SORCS2: variants seen among roughly 807,000 people sequenced by gnomAD.
SORCS2 encodes sortilin related VPS10 domain containing receptor 2, also known as VPS10 domain-containing receptor SorCS2.
SORCS2 carries 100 observed loss-of-function variants against 141.6 expected under a neutral mutation model. The observed-to-expected ratio is 0.71, with a 90% CI of 0.60 to 0.83. SORCS2 has a LOEUF of 0.83. SORCS2 is among the 40% of genes least tolerant of loss of function. The probability of loss-of-function intolerance (pLI) is 0.00; values close to 1 mark genes in which losing one functional copy is unlikely to be tolerated. For missense variants in SORCS2, 1,646 were observed against 1,560.2 expected (o/e 1.05, Z -0.93); for synonymous variants, 789 against 676.9 (o/e 1.17, Z -2.57).
intron 1 of SORCS2, among the ~76,000 whole-genome samples, chr4:7,214,697 C>A (rs1204234190): frequency 1.3e-5 from 2 of 152,184 alleles, no homozygotes; most frequent in Non-Finnish European, 2.9e-5. Flanking sequence ...GAGGCTCACC[C>A]CTTGTAGAGA....
At chr4:7,230,285 C>G (rs1711760493) in intron 1 of SORCS2, among the ~76,000 whole-genome samples, 3 of 110,598 alleles carry the variant, frequency 2.7e-5, no homozygotes, top group Non-Finnish European at 5.7e-5. Context: ...GGAGCAGTGT[C>G]ATGTGCTCAT....
chr4:7,501,239 G>A (rs1023500031), intron 2 of SORCS2, among the ~76,000 whole-genome samples: 6 of 152,156 alleles, frequency 3.9e-5, no homozygotes, highest in East Asian at 1.9e-4. Flanking sequence ...CCACGCCCTC[G>A]TGGGCCAGTA....
chr4:7,587,935 G>A (rs1007178395), intron 3 of SORCS2, among the ~76,000 whole-genome samples: 5 of 152,170 alleles, frequency 3.3e-5, no homozygotes, highest in African/African-American at 1.2e-4. Flanking sequence ...CTGTGACAAC[G>A]GAATGCATTT....
intron 4 of SORCS2, among the ~76,000 whole-genome samples, chr4:7,644,328 G>T (rs897656393): frequency 1.3e-5 from 2 of 152,194 alleles, no homozygotes; most frequent in African/African-American, 4.8e-5. Flanking sequence ...ACACCGGAAT[G>T]TGGAGTCCAG....
intron 3 of SORCS2, among the ~76,000 whole-genome samples, chr4:7,561,179 C>T (rs1051549487): frequency 2.6e-5 from 4 of 152,080 alleles, no homozygotes; most frequent in South Asian, 2.1e-4. Flanking sequence ...ATGGGGGCTT[C>T]GTGGCCCTTT....
chr4:7,196,601 TC>T (rs1727178245), intron 1 of SORCS2, among the ~76,000 whole-genome samples: 2 of 150,954 alleles, frequency 1.3e-5, no homozygotes, highest in Non-Finnish European at 3.0e-5. Context: ...GATCAGCACC[TC>T]CCTCCCCTGC....
At chr4:7,734,200 C>CGGGATGGGCTG in intron 24 of SORCS2, 72 bp from the exon 25 acceptor site, 1 of 975,322 alleles carries the variant, frequency 1.0e-6, no homozygotes, top group Non-Finnish European at 1.4e-6. Flanking sequence ...GGGGGACAGA[C>CGGGATGGGCTG]GGGATGGGCT....
intron 1 of SORCS2, among the ~76,000 whole-genome samples, chr4:7,309,278 A>G (rs569934109): frequency 1.3e-5 from 2 of 152,238 alleles, no homozygotes; most frequent in Admixed American, 1.3e-4. Context: ...GCCACTGGTG[A>G]TGGAGCTCAG....
chr4:7,575,358 A>C (rs978965200), intron 3 of SORCS2, among the ~76,000 whole-genome samples: 21 of 152,248 alleles, frequency 1.4e-4, no homozygotes, highest in Non-Finnish European at 1.9e-4. Context: ...CAAATAATTA[A>C]TGTGAAAATT....
intron 21 of SORCS2, among the ~76,000 whole-genome samples, chr4:7,727,430 C>G (rs909609368): frequency 3.5e-5 from 1 of 28,282 alleles, no homozygotes; most frequent in Non-Finnish European, 6.6e-5. Context: ...GAAGGAGACC[C>G]CCCCCCCCCT....
intron 2 of SORCS2, among the ~76,000 whole-genome samples, chr4:7,477,028 A>T (rs1212957447): frequency 2.0e-5 from 3 of 152,180 alleles, no homozygotes; most frequent in East Asian, 1.9e-4. Flanking sequence ...AGCTGCAGAC[A>T]CGGCCAGGTT....
chr4:7,389,022 T>C (rs570906656), intron 1 of SORCS2, among the ~76,000 whole-genome samples: 160 of 152,368 alleles, frequency 1.1e-3, no homozygotes, highest in African/African-American at 3.8e-3. Context: ...CATGGGCTCG[T>C]GCTTAACTTG....
At chr4:7,596,944 C>G (rs1208595321) in intron 3 of SORCS2, among the ~76,000 whole-genome samples, 2 of 152,040 alleles carry the variant, frequency 1.3e-5, no homozygotes, top group East Asian at 3.9e-4. Flanking sequence ...GTAAGGGGCT[C>G]AGCTCTTTGA....
chr4:7,292,312 G>A (rs1326993126), intron 1 of SORCS2, among the ~76,000 whole-genome samples: 4 of 152,026 alleles, frequency 2.6e-5, no homozygotes, highest in African/African-American at 9.7e-5. Flanking sequence ...CACCAAGGAG[G>A]CTCCCCACCA....
intron 3 of SORCS2, among the ~76,000 whole-genome samples, chr4:7,544,227 T>G (rs1162529116): frequency 1.3e-5 from 2 of 152,180 alleles, no homozygotes; most frequent in African/African-American, 4.8e-5. Flanking sequence ...TGCATCAACT[T>G]ATTTATTCAT....
chr4:7,680,236 C>G (rs1450236194), intron 9 of SORCS2, among the ~76,000 whole-genome samples: 1 of 152,258 alleles, frequency 6.6e-6, no homozygotes, highest in African/African-American at 2.4e-5. Flanking sequence ...TGTCTGCAGC[C>G]AATCTATAGG....
At chr4:7,323,574 C>A (rs1719043076) in intron 1 of SORCS2, among the ~76,000 whole-genome samples, 1 of 152,098 alleles carries the variant, frequency 6.6e-6, no homozygotes, top group Non-Finnish European at 1.5e-5. Context: ...AGCACCTGTG[C>A]CCTTGCCTAC....
intron 1 of SORCS2, among the ~76,000 whole-genome samples, chr4:7,213,221 G>T (rs1486739088): frequency 6.6e-6 from 1 of 152,190 alleles, no homozygotes; most frequent in Non-Finnish European, 1.5e-5. Context: ...CTCGCCTGTG[G>T]GCTGTGGCAC....
At chr4:7,288,533 GC>G (rs1716379978) in intron 1 of SORCS2, among the ~76,000 whole-genome samples, 1 of 122,540 alleles carries the variant, frequency 8.2e-6, no homozygotes, top group East Asian at 3.0e-4. Context: ...TGGGATGGCA[GC>G]CTCTTCTCCC....
Sources: gnomAD v4.1 joint callset for allele counts (sites outside exome capture counted in the v4.1 genomes callset) on GRCh38, gnomAD v4.1.1 for gene constraint, MANE v1.5 for transcripts, NCBI Gene and HGNC (gene_info 2026-07-23, HGNC 2026-07-21) for gene names.